The following ADCY6 variants were observed in gnomAD, a reference collection of about 807,000 sequenced individuals.
ADCY6 encodes the protein adenylate cyclase 6.
Under a neutral mutation model 111.6 loss-of-function variants are expected in ADCY6, and 59 were observed. The observed-to-expected ratio is 0.53, with a 90% CI of 0.43 to 0.66. The LOEUF is 0.66. Ranked by LOEUF, ADCY6 falls within the 30% of genes least tolerant of loss-of-function variation. The pLI is 0.00. For missense variants in ADCY6, 1,242 were observed against 1,595.6 expected, an observed-to-expected ratio of 0.78 and a Z score of 3.78; for synonymous variants, 576 against 642.9, an observed-to-expected ratio of 0.90 and a Z score of 1.57.
Position 48,768,704 on chromosome 12 carries a change from G to T in ADCY6, c.3394C>A (p.Leu1132Met). The change falls in exon 22 of 22, where the codon CTG becomes ATG. Residue 1132 changes from leucine to methionine, a missense_variant. Transcript: ENST00000357869. Reference protein sequence around the residue: ...VPDRIQVTTDLYQVLAAKGYQ... With the variant: ...VPDRIQVTTDMYQVLAAKGYQ... Reference sequence around the variant, plus strand: ...CCCTTGGCAGCTAGAACCTGGTACAGGTCCGTGGTCACCTGGGGGAGTGGG... The same window carrying T: ...CCCTTGGCAGCTAGAACCTGGTACATGTCCGTGGTCACCTGGGGGAGTGGG... 6.2e-7 allele frequency: 1 copy of T among 1,614,080 alleles called. No homozygotes were observed. The highest frequency in any genetic ancestry group is 8.5e-7 in the Non-Finnish European group (1 of 1,179,928).
intron 11 of ADCY6, 44 bp from the exon 12 acceptor site, chr12:48,775,098 G>A: frequency 6.6e-7 from 1 of 1,515,022 alleles, no homozygotes; most frequent in Non-Finnish European, 9.0e-7. Context: ...CCTCCCTAAG[G>A]AAGGCAGGGA....
At chr12:48,786,457 C>T (rs1335034738) in intron 1 of ADCY6, among the ~76,000 whole-genome samples, 1 of 152,196 alleles carries the variant, frequency 6.6e-6, no homozygotes, top group Admixed American at 6.5e-5. Flanking sequence ...ACCTCTGCCT[C>T]CTGGGTTCAA....
intron 1 of ADCY6, among the ~76,000 whole-genome samples, chr12:48,788,578 C>G (rs1183235967): frequency 6.6e-6 from 1 of 152,108 alleles, no homozygotes; most frequent in African/African-American, 2.4e-5. Flanking sequence ...CACCCCACAG[C>G]CCCGCAGCAA....
rs1297177504 is a variant in ADCY6, at chr12:48,782,582, G to A, written c.853C>T (p.Leu285Phe). Residue 285 changes from leucine (L) to phenylalanine (F), a missense_variant, in exon 2 of 22, where the codon CTC becomes TTC. Around this residue, in one of 4 missense-constraint regions of ADCY6, gnomAD observed 260 missense variants for 414.6 expected, o/e 0.63. Transcript: ENST00000357869. The surrounding 1 kb of genome is among the most constrained non-coding windows in gnomAD (Gnocchi z 4.3). ...CCCTGGCCACCTACCTGCTTCCAGA[G>A]GAAGGCATCACCACGGTTAAGTTGC... ...AWQLNRGDAF[L>F]WKQLGANVLL... The A allele has an allele frequency of 6.2e-7, 1 of 1,610,632 alleles. No individual in the cohort carries two copies. Among genetic ancestry groups the A allele is most frequent in the East Asian group, 2.2e-5 (1 of 44,840 alleles).
At chr12:48,769,413 CAAAA>C (rs111727567) in intron 20 of ADCY6, among the ~76,000 whole-genome samples, 1 of 38,844 alleles carries the variant, frequency 2.6e-5, no homozygotes, top group African/African-American at 8.4e-5. Context: ...ATCCCCATCT[CAAAA>C]AAAAAAAAAA....
At chr12:48,784,076 C>A (rs979027279) in intron 1 of ADCY6, 1 of 151,010 alleles carries the variant, frequency 6.6e-6, no homozygotes, top group Non-Finnish European at 1.5e-5. Context: ...AGTGAGACTC[C>A]GTCTCAAAAA....
Position 48,782,496 on chromosome 12 carries a change from C to T in ADCY6, c.864+75G>A. 1 of 1,517,306 alleles carries T rather than the reference C, an allele frequency of 6.6e-7. No homozygotes were observed. The allele number at this position is 1,517,306 out of a possible 1,614,324, so 94.0% of individuals were successfully genotyped here. On this transcript the variant is annotated intron_variant, in intron 2 of 21. Transcript: ENST00000357869. The surrounding 1 kb of genome is among the most constrained non-coding windows in gnomAD (Gnocchi z 4.3). ...CCCATGACTCACCCGCCCTTCCTCA[C>T]TAAGCCCCCACCTGCTTATGAGGTG...
chr12:48,782,807 C>G lies in ADCY6; in HGVS notation c.628G>C (p.Val210Leu). ...ATGCCCAGCACCACGTAGCTCACCA[C>G]CCACATGGAGTCCTGGCGGAAGCTA... ...RHSFRQDSMW[V>L]VSYVVLGILA... Residue 210 changes from valine to leucine, a missense_variant, in exon 2 of 22, where the codon GTG (valine) becomes CTG (leucine). Val to Leu is a conservative substitution (Grantham distance 32, BLOSUM62 1). Transcript: ENST00000357869. The surrounding 1 kb of genome is among the most constrained non-coding windows in gnomAD (Gnocchi z 4.3). The G allele has an allele frequency of 6.2e-7, 1 of 1,614,008 alleles. No individual in the cohort carries two copies. Among genetic ancestry groups the G allele is most frequent in the Non-Finnish European group, 8.5e-7 (1 of 1,179,924 alleles).
chr12:48,776,901 G>A lies in ADCY6; in HGVS notation c.1376+203C>T, dbSNP rs932628042. Among the ~76,000 whole-genome samples the A allele has an allele frequency of 2.6e-5, 4 of 152,210 alleles. No homozygotes were observed. Among genetic ancestry groups the A allele is most frequent in the South Asian group, 2.1e-4 (1 of 4,814 alleles). ...ACTCCCCTACTGCATAGGCTCTCCC[G>A]GCCCCATCTCGGCTGGCTGGGAGTC... On this transcript the variant is annotated intron_variant, in intron 6 of 21. Coordinates refer to ENST00000357869, the MANE Select transcript of ADCY6 (RefSeq NM_015270.5). The surrounding 1 kb of genome is among the most constrained non-coding windows in gnomAD (Gnocchi z 6.1).
In ADCY6 at chr12:48,777,121, G is replaced by T; in HGVS notation, c.1359C>A (p.Asp453Glu). 1 of 1,611,380 alleles carries T rather than the reference G, an allele frequency of 6.2e-7. No individual in the cohort carries two copies. Among genetic ancestry groups the T allele is most frequent in the Non-Finnish European group, 8.5e-7 (1 of 1,178,598 alleles). Residue 453 changes from aspartate (D) to glutamate (E), a missense_variant, in exon 6 of 22, where the codon GAC (aspartate) becomes GAA (glutamate). By Grantham distance (45) the Asp-to-Glu change is conservative. Around this residue, in one of 4 missense-constraint regions of ADCY6, gnomAD observed 260 missense variants for 414.6 expected, o/e 0.63. Transcript: ENST00000357869. The surrounding 1 kb of genome is among the most constrained non-coding windows in gnomAD (Gnocchi z 4.9). The part of the protein sequence containing the change: ...HAHCCVEMGV[D>E]MIEAISLVRE... Reference sequence around the variant, plus strand: ...CTGCTTACGAGATGGCCTCAATCATGTCTACCCCCATCTCCACACAGCAGT... The same window carrying T: ...CTGCTTACGAGATGGCCTCAATCATTTCTACCCCCATCTCCACACAGCAGT...
At chr12:48,775,602 G>A (rs1452089985) in intron 10 of ADCY6, 71 bp downstream of exon 10, 8 of 1,587,276 alleles carry the variant, frequency 5.0e-6, no homozygotes, top group Non-Finnish European at 6.1e-6. Flanking sequence ...CAGGGAAAAG[G>A]AGGATCTCGG....
intron 1 of ADCY6, among the ~76,000 whole-genome samples, chr12:48,786,214 C>T (rs1406373758): frequency 1.3e-5 from 2 of 152,164 alleles, no homozygotes; most frequent in African/African-American, 2.4e-5. Context: ...AGATGGGCAG[C>T]GCTTGAAGCA....
Position 48,777,242 on chromosome 12 carries a change from A to T in ADCY6, c.1249-11T>A. On this transcript the variant is annotated splice_polypyrimidine_tract_variant and intron_variant, in intron 5 of 21. Transcript: ENST00000357869. This position sits in a 1 kb window ranked among gnomAD's most constrained non-coding sequence, Gnocchi z 4.9. ...CAGGCAGTGATTCTCCTGAATGGGA[A>T]GGAATTGGAGGGAAGGGTAACCTTT... 6.2e-7 allele frequency: 1 copy of T among 1,610,770 alleles called. No individual in the cohort carries two copies. The highest frequency in any genetic ancestry group is 8.5e-7 in the Non-Finnish European group (1 of 1,178,450).
At position 48,771,428 on chromosome 12, in the gene ADCY6, T is replaced by C. The variant is rs960797615; in HGVS notation, c.3051+282A>G. ...GTTCTGTCCACAGACTATTGCCTTC[T>C]TCTTCAGTGACATCCACCTGGTACC... On this transcript the variant is annotated intron_variant, in intron 19 of 21. Coordinates refer to ENST00000357869, the MANE Select transcript of ADCY6 (RefSeq NM_015270.5). This position sits in a 1 kb window ranked among gnomAD's most constrained non-coding sequence, Gnocchi z 4.3. The C allele has an allele frequency of 5.2e-5, 29 of 559,888 alleles. No homozygotes were observed. Among genetic ancestry groups the C allele is most frequent in the Admixed American group, 1.5e-4 (5 of 33,790 alleles). The allele number at this position is 559,888 out of a possible 1,614,324, so 34.7% of individuals were successfully genotyped here.
intron 2 of ADCY6, among the ~76,000 whole-genome samples, chr12:48,779,954 T>C (rs952822164): frequency 6.6e-6 from 1 of 152,124 alleles, no homozygotes; most frequent in African/African-American, 2.4e-5. Context: ...CTAGCTTCCC[T>C]TCCCAGTCCA....
At chr12:48,789,913 T>G (rs1220463988), upstream of ADCY6, 2 of 152,186 alleles carry the variant, frequency 1.3e-5, no homozygotes, top group Non-Finnish European at 2.9e-5. Context: ...AGGGCTGTGC[T>G]TCTCTGCTGG....
rs1322398514 is a variant in ADCY6 at position 48,782,753 on chromosome 12, G to C, written c.682C>G (p.Leu228Val). Residue 228 changes from leucine (L) to valine (V), a missense_variant, in exon 2 of 22, where the codon CTC becomes GTC. By Grantham distance (32) the Leu-to-Val change is conservative. Coordinates refer to ENST00000357869, the MANE Select transcript of ADCY6 (RefSeq NM_015270.5). This position sits in a 1 kb window ranked among gnomAD's most constrained non-coding sequence, Gnocchi z 4.3. ...ILAAVQVGGA[L>V]AADPRSPSAG... The stretch of plus-strand genomic sequence containing the variant: ...GAGGGGCTGCGCGGGTCTGCTGCGA[G>C]AGCGCCCCCGACCTGCACTGCCGCC... 3.7e-6 allele frequency: 6 copies of C among 1,608,512 alleles called. No individual in the cohort carries two copies. The highest frequency in any genetic ancestry group is 5.1e-6 in the Non-Finnish European group (6 of 1,177,550).
chr12:48,776,311 G>A lies in ADCY6; in HGVS notation c.1575C>T (p.Asn525=), dbSNP rs116207511. 7.3e-5 allele frequency: 118 copies of A among 1,614,228 alleles called. 3 individuals carry two copies. The South Asian group carries it at 8.5e-4, about 12-fold the overall frequency. ...HITRATLQYL[N]GDYEVEPGRG... is the part of the protein sequence containing the mutation. ...GGCCTGGCTCCACCTCGTAGTCCCC[G>A]TTCAGGTACTGCAGTGTTGCCCGAG... Residue 525 remains asparagine, a synonymous_variant, in exon 8 of 22, where the codon AAC becomes AAT. Transcript: ENST00000357869. The surrounding 1 kb of genome is among the most constrained non-coding windows in gnomAD (Gnocchi z 6.1).
chr12:48,773,672 T>C, intron 15 of ADCY6, 25 bp from the exon 16 acceptor site: 4 of 1,613,652 alleles, frequency 2.5e-6, no homozygotes, highest in Non-Finnish European at 3.4e-6. Flanking sequence ...GAGGCAGCGT[T>C]GGGTGAAGGC....
Sources: allele counts gnomAD v4.1 joint callset (sites outside exome capture counted in the v4.1 genomes callset), GRCh38; gene constraint gnomAD v4.1.1; regional missense constraint gnomAD v4.1.1; non-coding constraint Gnocchi (gnomAD v3.1); transcripts MANE v1.5; gene names NCBI Gene and HGNC (gene_info 2026-07-23, HGNC 2026-07-21).